RYR2: variants seen among roughly 807,000 people sequenced by gnomAD.
The protein encoded by RYR2 is ryanodine receptor 2.
Under a neutral mutation model 601.1 loss-of-function variants are expected in RYR2, and 227 were observed. The observed-to-expected ratio is 0.38, with a 90% CI of 0.34 to 0.42. The LOEUF is 0.42. Among genes scored for constraint, RYR2 ranks in the 10% least tolerant of loss-of-function variants. The pLI, the probability that RYR2 is intolerant of heterozygous loss-of-function variation, is 1.00. For synonymous variants in RYR2, 2,223 were observed against 2,175.1 expected, an observed-to-expected ratio of 1.02 and a Z score of -0.61; for missense variants, 4,646 against 6,156.5, an observed-to-expected ratio of 0.75 and a Z score of 8.21.
intron 3 of RYR2, among the ~76,000 whole-genome samples, chr1:237,341,408 A>G (rs2787102): frequency 0.25 from 38,273 of 151,962 alleles, 4,995 homozygotes; most frequent in East Asian, 0.37. Flanking sequence ...CAATGGTGCA[A>G]TATCCTCCCC....
chr1:237,831,468 A>C, intron 103 of RYR2, 46 bp from the exon 104 acceptor site: 1 of 1,046,896 alleles, frequency 9.6e-7, no homozygotes, highest in East Asian at 2.4e-5. Context: ...GTTTATCCTA[A>C]TATTTCCATA....
chr1:237,529,156 C>T (rs1018776060), intron 24 of RYR2, among the ~76,000 whole-genome samples: 4 of 152,046 alleles, frequency 2.6e-5, no homozygotes, highest in Admixed American at 6.5e-5. Flanking sequence ...TCTTCCTGTC[C>T]TCTGGATAGT....
chr1:237,635,750 C>A (rs529842683), intron 44 of RYR2, among the ~76,000 whole-genome samples: 1 of 152,230 alleles, frequency 6.6e-6, no homozygotes, highest in African/African-American at 2.4e-5. Flanking sequence ...ATAGCTCCTA[C>A]ATCATCTGTT....
intron 1 of RYR2, among the ~76,000 whole-genome samples, chr1:237,172,813 G>C (rs1477084018): frequency 6.6e-6 from 1 of 152,172 alleles, no homozygotes; most frequent in African/African-American, 2.4e-5. Context: ...TTGGTGGTTC[G>C]AGTCAGGACT....
chr1:237,182,460 C>A (rs931091712), intron 1 of RYR2, among the ~76,000 whole-genome samples: 2 of 152,172 alleles, frequency 1.3e-5, no homozygotes, highest in Non-Finnish European at 2.9e-5. Flanking sequence ...GCCTCACCTT[C>A]CCTTCCTGGA....
At chr1:237,169,598 C>T (rs1030562415) in intron 1 of RYR2, among the ~76,000 whole-genome samples, 1 of 152,232 alleles carries the variant, frequency 6.6e-6, no homozygotes. Flanking sequence ...CCATGATTGC[C>T]TTTTTGCTGG....
chr1:237,816,884 A>G (rs113588854), intron 100 of RYR2, among the ~76,000 whole-genome samples: 3 of 152,146 alleles, frequency 2.0e-5, no homozygotes, highest in Admixed American at 6.5e-5. Flanking sequence ...TTTTTAAGTG[A>G]TGGATGGTCT....
intron 22 of RYR2, among the ~76,000 whole-genome samples, chr1:237,506,427 A>G (rs1665255887): frequency 6.6e-6 from 1 of 151,868 alleles, no homozygotes; most frequent in African/African-American, 2.4e-5. Flanking sequence ...ATTCCCAGCT[A>G]CTCGGGAGGC....
At chr1:237,621,479 A>C (rs1307272819) in intron 38 of RYR2, among the ~76,000 whole-genome samples, 1 of 152,172 alleles carries the variant, frequency 6.6e-6, no homozygotes, top group East Asian at 1.9e-4. Context: ...GTTTTTAAAA[A>C]ATAGCAATAA....
chr1:237,323,018 T>C (rs1695784194), intron 2 of RYR2, among the ~76,000 whole-genome samples: 2 of 152,158 alleles, frequency 1.3e-5, no homozygotes, highest in Admixed American at 6.5e-5. Flanking sequence ...TTCAAACATC[T>C]CTAAACTCTG....
chr1:237,395,496 C>G (rs1308024029), intron 10 of RYR2, among the ~76,000 whole-genome samples: 5 of 149,368 alleles, frequency 3.3e-5, no homozygotes, highest in African/African-American at 4.9e-5. Flanking sequence ...CGAACACAAC[C>G]AAACTTGATT....
chr1:237,382,665 T>A (rs919010608), intron 8 of RYR2, among the ~76,000 whole-genome samples: 1 of 152,010 alleles, frequency 6.6e-6, no homozygotes, highest in Non-Finnish European at 1.5e-5. Flanking sequence ...CTGAGAATGA[T>A]GGTTTTAAAT....
intron 44 of RYR2, among the ~76,000 whole-genome samples, chr1:237,635,609 C>T (rs1680795488): frequency 6.6e-6 from 1 of 151,982 alleles, no homozygotes; most frequent in South Asian, 2.1e-4. Flanking sequence ...GATTTTTTTT[C>T]CTTGCTCACC....
chr1:237,487,750 A>G (rs1662858505), intron 17 of RYR2, among the ~76,000 whole-genome samples: 1 of 151,030 alleles, frequency 6.6e-6, no homozygotes, highest in Non-Finnish European at 1.5e-5. Flanking sequence ...AATTATTCCA[A>G]TAAACCAGGG....
At chr1:237,181,220 G>A (rs1227285119) in intron 1 of RYR2, among the ~76,000 whole-genome samples, 1 of 150,504 alleles carries the variant, frequency 6.6e-6, no homozygotes, top group African/African-American at 2.5e-5. Flanking sequence ...CTGACCTCAA[G>A]TGATCCGCCC....
At chr1:237,437,460 T>A (rs1383739228) in intron 12 of RYR2, among the ~76,000 whole-genome samples, 1 of 152,190 alleles carries the variant, frequency 6.6e-6, no homozygotes, top group Non-Finnish European at 1.5e-5. Context: ...ACAGTTTTTA[T>A]GGGAAATCTG....
At chr1:237,573,742 G>A (rs1454340776) in intron 29 of RYR2, among the ~76,000 whole-genome samples, 1 of 151,696 alleles carries the variant, frequency 6.6e-6, no homozygotes, top group Non-Finnish European at 1.5e-5. Context: ...AACCTGGGAG[G>A]TGGAGGTTGC....
chr1:237,634,966 G>A lies in RYR2; in HGVS notation c.6766G>A (p.Ala2256Thr). ...SVMDNNELAL[A>T]LREPDLEKVV... Reference sequence around the variant, plus strand: ...GATGGATAATAATGAACTAGCATTAGCTCTGCGTGAGCCGGATCTAGAAAA... The same window carrying A: ...GATGGATAATAATGAACTAGCATTAACTCTGCGTGAGCCGGATCTAGAAAA... The change falls in exon 44 of 105, where the codon GCT (alanine) becomes ACT (threonine). Residue 2256 changes from alanine (A) to threonine (T), a missense_variant. Physicochemically the swap from Ala to Thr is moderately conservative, Grantham distance 58. This residue lies in a region of RYR2 where 137 missense variants were observed against 273.6 expected (regional missense o/e 0.50). Transcript: ENST00000366574. 6.2e-7 allele frequency: 1 copy of A among 1,604,634 alleles called. No homozygotes were observed. Among genetic ancestry groups the A allele is most frequent in the Non-Finnish European group, 8.5e-7 (1 of 1,175,272 alleles).
intron 2 of RYR2, among the ~76,000 whole-genome samples, chr1:237,282,708 G>A (rs987371009): frequency 1.3e-5 from 2 of 152,154 alleles, no homozygotes; most frequent in Non-Finnish European, 2.9e-5. Flanking sequence ...TTGACAGATG[G>A]TACTTAAGTT....
Sources: allele counts gnomAD v4.1 joint callset (sites outside exome capture counted in the v4.1 genomes callset), GRCh38; gene constraint gnomAD v4.1.1; regional missense constraint gnomAD v4.1.1; transcripts MANE v1.5; gene names NCBI Gene and HGNC (gene_info 2026-07-23, HGNC 2026-07-21).